Variants in HS6ST3 observed in about 807,000 individuals in gnomAD.
HS6ST3 encodes the protein heparan-sulfate 6-O-sulfotransferase 3.
Under a neutral mutation model 36.7 loss-of-function variants are expected in HS6ST3, and 12 were observed. That is an observed-to-expected ratio of 0.33 (90% CI 0.21 to 0.53). HS6ST3 has a LOEUF of 0.53. Ranked by LOEUF, HS6ST3 falls within the 20% of genes least tolerant of loss-of-function variation. The pLI is 0.95. For missense variants in HS6ST3, 584 were observed against 640.9 expected (o/e 0.91, Z 0.96); for synonymous variants, 240 against 257.5 (o/e 0.93, Z 0.65).
intron 1 of HS6ST3, among the ~76,000 whole-genome samples, chr13:96,539,101 G>T (rs1351375238): frequency 6.6e-6 from 1 of 152,116 alleles, no homozygotes; most frequent in Non-Finnish European, 1.5e-5. Flanking sequence ...TATGTCCAGT[G>T]AATCTGGAAA....
intron 1 of HS6ST3, among the ~76,000 whole-genome samples, chr13:96,217,231 A>G (rs1275933193): frequency 6.6e-6 from 1 of 152,142 alleles, no homozygotes; most frequent in Non-Finnish European, 1.5e-5. Flanking sequence ...GAATGACATA[A>G]TTATGCTAGC....
At chr13:96,228,083 T>G (rs1398780460) in intron 1 of HS6ST3, among the ~76,000 whole-genome samples, 3 of 152,164 alleles carry the variant, frequency 2.0e-5, no homozygotes, top group Non-Finnish European at 4.4e-5. Flanking sequence ...AAGGATCAAG[T>G]AGTAGATATT....
chr13:96,403,196 T>C (rs1239061780), intron 1 of HS6ST3, among the ~76,000 whole-genome samples: 1 of 152,242 alleles, frequency 6.6e-6, no homozygotes, highest in Non-Finnish European at 1.5e-5. Context: ...GTTTGTGAAG[T>C]GTCGGTTCAT....
At chr13:96,771,445 AT>A (rs1467515836) in intron 1 of HS6ST3, among the ~76,000 whole-genome samples, 1 of 152,238 alleles carries the variant, frequency 6.6e-6, no homozygotes, top group African/African-American at 2.4e-5. Flanking sequence ...AAGTAAAAAA[AT>A]AAAAGAATAC....
At chr13:96,590,976 CT>C (rs1261137422) in intron 1 of HS6ST3, among the ~76,000 whole-genome samples, 4 of 151,478 alleles carry the variant, frequency 2.6e-5, no homozygotes, top group South Asian at 4.2e-4. Flanking sequence ...TTCTTGGTAT[CT>C]TTGTCAAAAA....
chr13:96,193,352 G>A (rs1214199592), intron 1 of HS6ST3, among the ~76,000 whole-genome samples: 3 of 152,224 alleles, frequency 2.0e-5, no homozygotes, highest in East Asian at 3.9e-4. Flanking sequence ...CTCCCACTGC[G>A]TACTTGATTC....
intron 1 of HS6ST3, among the ~76,000 whole-genome samples, chr13:96,720,614 C>T (rs1018533333): frequency 6.6e-6 from 1 of 152,178 alleles, no homozygotes; most frequent in Non-Finnish European, 1.5e-5. Context: ...TGAGTAGGCT[C>T]CTGATAACGC....
chr13:96,207,767 C>T (rs139554369), intron 1 of HS6ST3, among the ~76,000 whole-genome samples: 1,754 of 152,166 alleles, frequency 0.012, 35 homozygotes, highest in African/African-American at 0.041. Context: ...TAAGTGGGAG[C>T]TGAATGATGA....
At chr13:96,564,956 G>T (rs1366089624) in intron 1 of HS6ST3, among the ~76,000 whole-genome samples, 1 of 152,136 alleles carries the variant, frequency 6.6e-6, no homozygotes, top group African/African-American at 2.4e-5. Context: ...GCTATGGCAG[G>T]TGGAATGCTA....
intron 1 of HS6ST3, among the ~76,000 whole-genome samples, chr13:96,437,230 G>A (rs1408469028): frequency 6.6e-6 from 1 of 152,134 alleles, no homozygotes; most frequent in Non-Finnish European, 1.5e-5. Context: ...CCATTCTCCA[G>A]CATGACCTTG....
intron 1 of HS6ST3, among the ~76,000 whole-genome samples, chr13:96,829,145 C>A (rs529918192): frequency 6.6e-6 from 1 of 152,102 alleles, no homozygotes; most frequent in South Asian, 2.1e-4. Flanking sequence ...CCTTTGAAAT[C>A]AATGTTAAAT....
chr13:96,813,628 G>A (rs549214500), intron 1 of HS6ST3, among the ~76,000 whole-genome samples: 7 of 152,164 alleles, frequency 4.6e-5, no homozygotes, highest in Non-Finnish European at 8.8e-5. Flanking sequence ...TATGCCCAGC[G>A]TCTACTGGCC....
chr13:96,761,882 G>T (rs1876979125), intron 1 of HS6ST3, among the ~76,000 whole-genome samples: 1 of 151,942 alleles, frequency 6.6e-6, no homozygotes, highest in African/African-American at 2.4e-5. Context: ...TACAGTGTTT[G>T]CACAGTGCTC....
chr13:96,617,444 C>T (rs933298812), intron 1 of HS6ST3, among the ~76,000 whole-genome samples: 1 of 152,182 alleles, frequency 6.6e-6, no homozygotes, highest in Admixed American at 6.5e-5. Context: ...TATATTTCTT[C>T]ATGGTTGAAT....
At chr13:96,825,891 G>A (rs1289889249) in intron 1 of HS6ST3, among the ~76,000 whole-genome samples, 4 of 152,302 alleles carry the variant, frequency 2.6e-5, no homozygotes, top group East Asian at 3.9e-4. Context: ...ACTTGCTAAT[G>A]AATGCATTTT....
At chr13:96,752,725 T>C (rs1876730261) in intron 1 of HS6ST3, among the ~76,000 whole-genome samples, 1 of 152,186 alleles carries the variant, frequency 6.6e-6, no homozygotes, top group Admixed American at 6.6e-5. Flanking sequence ...GTTGTAAATA[T>C]TTTCCCCTAG....
chr13:96,712,659 T>TAA (rs1440916444), intron 1 of HS6ST3, among the ~76,000 whole-genome samples: 10 of 152,150 alleles, frequency 6.6e-5, no homozygotes, highest in Non-Finnish European at 1.3e-4. Context: ...CTCAATTTCA[T>TAA]ATGTCGATAG....
intron 1 of HS6ST3, among the ~76,000 whole-genome samples, chr13:96,800,645 T>C (rs1167035881): frequency 6.6e-6 from 1 of 152,020 alleles, no homozygotes; most frequent in Non-Finnish European, 1.5e-5. Flanking sequence ...CATCACCAAA[T>C]CCACCCACGT....
intron 1 of HS6ST3, among the ~76,000 whole-genome samples, chr13:96,632,343 GT>G (rs761201769): frequency 6.6e-6 from 1 of 150,418 alleles, no homozygotes; most frequent in Admixed American, 6.6e-5. Flanking sequence ...TTGTTTTTTT[GT>G]TTTTTTCTGA....
Sources: gnomAD v4.1 joint callset for allele counts (sites outside exome capture counted in the v4.1 genomes callset) on GRCh38, gnomAD v4.1.1 for gene constraint, MANE v1.5 for transcripts, NCBI Gene and HGNC (gene_info 2026-07-23, HGNC 2026-07-21) for gene names.